The following RANBP2 variants were observed in gnomAD, a reference collection of about 807,000 sequenced individuals.
RANBP2 encodes E3 SUMO-protein ligase RanBP2.
A neutral mutation model predicts 303.6 loss-of-function variants in RANBP2; 57 were observed. That is an observed-to-expected ratio of 0.19 (90% confidence interval 0.15 to 0.23). The LOEUF is 0.23. Among genes scored for constraint, RANBP2 ranks in the 10% least tolerant of loss-of-function variants. The pLI is 1.00. For synonymous variants in RANBP2, 1,167 were observed against 1,301.5 expected, an observed-to-expected ratio of 0.90 and a Z score of 2.23; for missense variants, 3,138 against 3,780.8, an observed-to-expected ratio of 0.83 and a Z score of 4.46.
At chr2:109,106,449 C>T in the RANBP2 span, among the ~76,000 whole-genome samples, 6 of 152,188 alleles carry the variant, frequency 3.9e-5, no homozygotes, top group African/African-American at 1.2e-4. Context: ...TGTCCTCCAA[C>T]GAGTGGCCCA....
At chr2:109,095,036 G>T in the RANBP2 span, among the ~76,000 whole-genome samples, 2 of 152,194 alleles carry the variant, frequency 1.3e-5, no homozygotes, top group Admixed American at 6.5e-5. Flanking sequence ...CTAAATTAAG[G>T]TCAGATATCA....
chr2:108,783,333 T>TAA (rs71381992), intron 28 of RANBP2, among the ~76,000 whole-genome samples: 1,235 of 41,400 alleles, frequency 0.03, 112 homozygotes, highest in African/African-American at 0.08. Flanking sequence ...AGCCTGTCAT[T>TAA]AAAAAAAAAA....
In RANBP2 at chr2:108,777,238, T is replaced by A; in HGVS notation, c.8599+7T>A. ...TTTGCTTTTGGTTCTAAAGGTAAGA[T>A]CAAGAGGAGAGACTTTTAATGACAT... On this transcript the variant is annotated splice_region_variant and intron_variant, in intron 25 of 28. Transcript: ENST00000283195. The A allele has an allele frequency of 6.2e-7, 1 of 1,609,994 alleles. No homozygotes were observed. The highest frequency in any genetic ancestry group is 8.5e-7 in the Non-Finnish European group (1 of 1,176,498).
chr2:109,431,811 C>T, the RANBP2 span, among the ~76,000 whole-genome samples: 1 of 151,876 alleles, frequency 6.6e-6, no homozygotes, highest in East Asian at 1.9e-4. Context: ...ATTGAGGCTG[C>T]AGTGAGCTAT....
the RANBP2 span, among the ~76,000 whole-genome samples, chr2:108,814,450 T>A: frequency 6.6e-6 from 1 of 152,158 alleles, no homozygotes; most frequent in South Asian, 2.1e-4. Flanking sequence ...ATAATCGAAG[T>A]TTTCATCTAA....
chr2:109,399,500 G>A, the RANBP2 span, among the ~76,000 whole-genome samples: 1 of 151,946 alleles, frequency 6.6e-6, no homozygotes, highest in Non-Finnish European at 1.5e-5. Context: ...TAAAGGCTGG[G>A]CACAGTGGCT....
At chr2:109,684,121 T>C in the RANBP2 span, among the ~76,000 whole-genome samples, 408 of 152,128 alleles carry the variant, frequency 2.7e-3, 1 homozygote, top group South Asian at 0.018. Flanking sequence ...TTTGTATTTT[T>C]AGTAGAAATG....
the RANBP2 span, among the ~76,000 whole-genome samples, chr2:109,774,528 AT>A: frequency 8.6e-5 from 8 of 92,786 alleles, no homozygotes; most frequent in East Asian, 2.5e-3. Flanking sequence ...TATATTATAT[AT>A]ATTATATATA....
rs764119940 is a variant in RANBP2 at position 108,762,092 on chromosome 2, T to G, written c.2603-9T>G. Reference sequence around the variant, plus strand: ...CAGTGTTTTCTTTATTTTCTTTTTGTTTTTTTAGTTGCAACTACTGGCCCT... The same window carrying G: ...CAGTGTTTTCTTTATTTTCTTTTTGGTTTTTTAGTTGCAACTACTGGCCCT... On this transcript the variant is annotated splice_polypyrimidine_tract_variant and intron_variant, in intron 18 of 28. Coordinates refer to ENST00000283195, the MANE Select transcript of RANBP2 (RefSeq NM_006267.5). 5 of 1,596,708 alleles carry G rather than the reference T, an allele frequency of 3.1e-6. No individual in the cohort carries two copies. The highest frequency in any genetic ancestry group is 2.3e-4 in the Middle Eastern group (1 of 4,424).
At chr2:108,983,366 T>G in the RANBP2 span, among the ~76,000 whole-genome samples, 2 of 152,210 alleles carry the variant, frequency 1.3e-5, no homozygotes, top group South Asian at 2.1e-4. Flanking sequence ...TAGGATTTTT[T>G]GGGGCCAGAG....
the RANBP2 span, among the ~76,000 whole-genome samples, chr2:108,945,711 G>A: frequency 1.3e-5 from 2 of 152,198 alleles, no homozygotes; most frequent in African/African-American, 2.4e-5. Flanking sequence ...GCACACAATG[G>A]AATATTACTC....
chr2:109,682,257 T>C, the RANBP2 span, among the ~76,000 whole-genome samples: 1 of 152,236 alleles, frequency 6.6e-6, no homozygotes, highest in African/African-American at 2.4e-5. Context: ...AAACACAGGA[T>C]GCCCAGGTAA....
chr2:108,731,658 T>C, intron 4 of RANBP2, 184 bp downstream of exon 4: 1 of 1,179,842 alleles, frequency 8.5e-7, no homozygotes, highest in Non-Finnish European at 1.2e-6. Flanking sequence ...ATTGTTATAC[T>C]TTATAAGTGA....
At chr2:109,673,245 T>C in the RANBP2 span, among the ~76,000 whole-genome samples, 2 of 152,308 alleles carry the variant, frequency 1.3e-5, no homozygotes, top group African/African-American at 4.8e-5. Flanking sequence ...AGTTTATCCA[T>C]CTTTACAATG....
chr2:108,930,927 G>A, the RANBP2 span: 5 of 1,611,274 alleles, frequency 3.1e-6, no homozygotes, highest in South Asian at 3.3e-5. Flanking sequence ...TCATGAGGAT[G>A]AGGGTGCTGT....
At chr2:109,254,838 G>T in the RANBP2 span, among the ~76,000 whole-genome samples, 1 of 152,142 alleles carries the variant, frequency 6.6e-6, no homozygotes, top group Non-Finnish European at 1.5e-5. Flanking sequence ...GCCTCGCCAG[G>T]GCAGTATCTG....
At chr2:108,944,106 G>A in the RANBP2 span, among the ~76,000 whole-genome samples, 38 of 152,262 alleles carry the variant, frequency 2.5e-4, no homozygotes, top group Non-Finnish European at 4.6e-4. Flanking sequence ...GTCTCTGTTC[G>A]GCAGGAATGG....
At chr2:109,536,454 C>T in the RANBP2 span, among the ~76,000 whole-genome samples, 2 of 152,242 alleles carry the variant, frequency 1.3e-5, no homozygotes, top group South Asian at 4.1e-4. Context: ...TTTCTTTTGG[C>T]CAATTTTCTC....
chr2:108,808,621 C>G, the RANBP2 span, among the ~76,000 whole-genome samples: 2 of 152,118 alleles, frequency 1.3e-5, no homozygotes, highest in African/African-American at 4.8e-5. Context: ...TGATATTGAG[C>G]ATTTTTTCAT....
Sources: gnomAD v4.1 joint callset for allele counts (sites outside exome capture counted in the v4.1 genomes callset) on GRCh38, gnomAD v4.1.1 for gene constraint, MANE v1.5 for transcripts, NCBI Gene and HGNC (gene_info 2026-07-23, HGNC 2026-07-21) for gene names.